The following GNG7 variants were observed in gnomAD, a reference collection of about 807,000 sequenced individuals.
GNG7 encodes the protein guanine nucleotide-binding protein G(I)/G(S)/G(O) subunit gamma-7.
Under a neutral mutation model 4.0 loss-of-function variants are expected in GNG7, and 1 was observed. The ratio of observed to expected loss-of-function variants is 0.25; its 90% CI spans 0.09 to 1.18. The LOEUF (loss-of-function observed/expected upper bound fraction) is 1.18, where lower values mean the gene tolerates loss of function less well. Among genes scored for constraint, GNG7 ranks in the 50% most tolerant of loss-of-function variants. GNG7 has a pLI of 0.50. For missense variants in GNG7, 86 were observed against 91.9 expected (o/e 0.94, Z 0.26); for synonymous variants, 34 against 36.9 (o/e 0.92, Z 0.29).
intron 1 of GNG7, among the ~76,000 whole-genome samples, chr19:2,652,151 G>A (rs552274235): frequency 2.8e-4 from 42 of 151,922 alleles, no homozygotes; most frequent in African/African-American, 9.9e-4. Context: ...CTCTAGCCTG[G>A]ACGGCTAAGC....
intron 3 of GNG7, among the ~76,000 whole-genome samples, chr19:2,545,812 C>T (rs888689541): frequency 4.0e-5 from 6 of 150,790 alleles, no homozygotes; most frequent in African/African-American, 1.5e-4. Flanking sequence ...AAAAATTAGC[C>T]GTGAGTGGTG....
chr19:2,525,219 G>A (rs1978353736), intron 3 of GNG7, among the ~76,000 whole-genome samples: 1 of 152,182 alleles, frequency 6.6e-6, no homozygotes. Context: ...GGGAGGGGCG[G>A]GAGCAGGCAG....
chr19:2,649,606 T>C (rs1982757098), intron 1 of GNG7, among the ~76,000 whole-genome samples: 1 of 151,968 alleles, frequency 6.6e-6, no homozygotes, highest in African/African-American at 2.4e-5. Context: ...GTCAGGCTGG[T>C]CTTGAGCCCC....
chr19:2,547,649 G>A (rs1214263145), intron 3 of GNG7, among the ~76,000 whole-genome samples: 2 of 152,190 alleles, frequency 1.3e-5, no homozygotes, highest in Non-Finnish European at 2.9e-5. Context: ...TGTCTTTGAG[G>A]CCTTTGTTCT....
At chr19:2,642,235 G>T (rs188062288) in intron 2 of GNG7, 1 of 172,168 alleles carries the variant, frequency 5.8e-6, no homozygotes, top group Non-Finnish European at 1.3e-5. Flanking sequence ...ACCCCATCAC[G>T]GGCAGTCTTT....
intron 1 of GNG7, among the ~76,000 whole-genome samples, chr19:2,683,233 C>T (rs371431016): frequency 4.1e-4 from 55 of 135,120 alleles, no homozygotes; most frequent in African/African-American, 1.4e-3. Flanking sequence ...AGAAAGACTC[C>T]GTCTCAAAAA....
At chr19:2,603,600 T>C (rs928695990) in intron 2 of GNG7, among the ~76,000 whole-genome samples, 1 of 152,086 alleles carries the variant, frequency 6.6e-6, no homozygotes, top group East Asian at 1.9e-4. Context: ...GACCAAAAAC[T>C]ATGCAGGGCT....
rs111788605 is a variant in GNG7, at chr19:2,609,234, C to T, written c.-78+36990G>A. On this transcript the variant is annotated intron_variant, in intron 2 of 4. Transcript: ENST00000382159. This position sits in a 1 kb window ranked among gnomAD's most constrained non-coding sequence, Gnocchi z 4.4. ...AGAGATGGGGGTCTCACTATGTTGC[C>T]AAGGCTGGTCTTGAACTCCTAGCCT... Among the ~76,000 whole-genome samples, 1,533 of 152,186 alleles carry T rather than the reference C, an allele frequency of 0.01. 36 individuals are homozygous for T. Among genetic ancestry groups the T allele is most frequent in the African/African-American group, 0.035 (1,460 of 41,502 alleles).
intron 1 of GNG7, among the ~76,000 whole-genome samples, chr19:2,668,718 G>T (rs1325771074): frequency 3.3e-5 from 5 of 152,190 alleles, no homozygotes; most frequent in Non-Finnish European, 7.3e-5. Context: ...GTGGTCTGAA[G>T]GAAGAAGCAA....
At chr19:2,586,736 G>A (rs559500125) in intron 2 of GNG7, among the ~76,000 whole-genome samples, 50 of 152,172 alleles carry the variant, frequency 3.3e-4, no homozygotes, top group African/African-American at 1.2e-3. Flanking sequence ...TGTAATCCCA[G>A]CACTTTGGGA....
At chr19:2,635,526 C>T (rs1982284061) in intron 2 of GNG7, among the ~76,000 whole-genome samples, 1 of 152,020 alleles carries the variant, frequency 6.6e-6, no homozygotes. Flanking sequence ...CTCCTGGAAC[C>T]TCAGAGGTCC....
intron 1 of GNG7, among the ~76,000 whole-genome samples, chr19:2,649,625 T>A (rs1982757530): frequency 6.6e-6 from 1 of 151,966 alleles, no homozygotes; most frequent in African/African-American, 2.4e-5. Flanking sequence ...CCTGACCTCA[T>A]GATCCACCCG....
chr19:2,542,947 C>G (rs1465990128), intron 3 of GNG7, among the ~76,000 whole-genome samples: 1 of 146,412 alleles, frequency 6.8e-6, no homozygotes, highest in Non-Finnish European at 1.5e-5. Context: ...GAGTCTCGCT[C>G]TGTCACCCAG....
chr19:2,681,840 C>A (rs112311618), intron 1 of GNG7, among the ~76,000 whole-genome samples: 2,024 of 152,254 alleles, frequency 0.013, 36 homozygotes, highest in African/African-American at 0.047. Flanking sequence ...TGGTATCTCA[C>A]CATGGCTTTG....
At chr19:2,637,908 T>C (rs1482243311) in intron 2 of GNG7, among the ~76,000 whole-genome samples, 1 of 152,096 alleles carries the variant, frequency 6.6e-6, no homozygotes, top group African/African-American at 2.4e-5. Flanking sequence ...TCCTCTGCCA[T>C]GCTGAGGTCC....
intron 2 of GNG7, among the ~76,000 whole-genome samples, chr19:2,576,103 AAC>A (rs1980330247): frequency 6.6e-6 from 1 of 151,302 alleles, no homozygotes; most frequent in Admixed American, 6.6e-5. Flanking sequence ...ACACACACAG[AAC>A]CAGACACACA....
intron 1 of GNG7, among the ~76,000 whole-genome samples, chr19:2,670,289 T>C (rs1983418232): frequency 6.6e-6 from 1 of 152,102 alleles, no homozygotes; most frequent in African/African-American, 2.4e-5. Context: ...GGAGCACCAG[T>C]GGGGATAGAC....
chr19:2,570,272 A>G (rs889485465), intron 2 of GNG7, among the ~76,000 whole-genome samples: 2 of 152,170 alleles, frequency 1.3e-5, no homozygotes, highest in Admixed American at 6.6e-5. Flanking sequence ...TGCTGGCACC[A>G]TGCTTGTATG....
intron 2 of GNG7, among the ~76,000 whole-genome samples, chr19:2,635,930 G>A (rs1053429011): frequency 6.6e-6 from 1 of 152,208 alleles, no homozygotes; most frequent in East Asian, 1.9e-4. Context: ...GATATTTGGG[G>A]ACATTTGTGG....
Sources: allele counts gnomAD v4.1 joint callset (sites outside exome capture counted in the v4.1 genomes callset), GRCh38; gene constraint gnomAD v4.1.1; non-coding constraint Gnocchi (gnomAD v3.1); transcripts MANE v1.5; gene names NCBI Gene and HGNC (gene_info 2026-07-23, HGNC 2026-07-21).